Variants in DNAH11 observed in about 807,000 individuals in gnomAD.
DNAH11 encodes axonemal beta dynein heavy chain 11.
A neutral mutation model predicts 526.0 loss-of-function variants in DNAH11; 442 were observed. The observed-to-expected ratio is 0.84, with a 90% CI of 0.78 to 0.91. The LOEUF (loss-of-function observed/expected upper bound fraction) is 0.91. Among genes scored for constraint, DNAH11 ranks in the 40% least tolerant of loss-of-function variants. DNAH11 has a pLI of 0.00. For missense variants in DNAH11, 6,989 were observed against 5,448.7 expected (o/e 1.28, Z -8.90); for synonymous variants, 2,461 against 1,935.9 (o/e 1.27, Z -7.12).
In DNAH11 at chr7:21,658,916, C is replaced by T. The variant is rs1782130908; in HGVS notation, c.5213C>T (p.Pro1738Leu). The change falls in exon 30 of 82, where the codon CCA becomes CTA. Residue 1738 changes from proline to leucine, a missense_variant. Pro to Leu is a moderately conservative substitution (Grantham distance 98). Transcript: ENST00000409508. Reference protein sequence around the residue: ...KPRELWIFDFPAQVALTSSQI... With the variant: ...KPRELWIFDFLAQVALTSSQI... ...AGGGAACTGTGGATTTTTGATTTCC[C>T]AGCTCAGGTTGCACTAACCAGCTCA... 1.2e-6 allele frequency: 2 copies of T among 1,610,092 alleles called. No homozygotes were observed. Among genetic ancestry groups the T allele is most frequent in the African/African-American group, 2.7e-5 (2 of 74,782 alleles).
chr7:21,581,644 T>G (rs1029654050), intron 8 of DNAH11, among the ~76,000 whole-genome samples: 1 of 152,214 alleles, frequency 6.6e-6, no homozygotes, highest in Admixed American at 6.5e-5. Flanking sequence ...GCACTGCTGT[T>G]GAGGCCTGGG....
intron 75 of DNAH11, among the ~76,000 whole-genome samples, chr7:21,883,080 A>G (rs936174175): frequency 6.6e-6 from 1 of 152,212 alleles, no homozygotes; most frequent in African/African-American, 2.4e-5. Flanking sequence ...CTTATTTTTC[A>G]TTCACCTCAA....
At chr7:21,733,585 T>C (rs2128488395) in intron 45 of DNAH11, among the ~76,000 whole-genome samples, 1 of 152,330 alleles carries the variant, frequency 6.6e-6, no homozygotes, top group African/African-American at 2.4e-5. Context: ...TATCACAAGA[T>C]TGATGCACCT....
intron 1 of DNAH11, chr7:21,543,829 C>G: frequency 3.6e-6 from 2 of 560,664 alleles, no homozygotes; most frequent in Non-Finnish European, 6.2e-6. Context: ...CCGAGAATCC[C>G]GCGTTGAGCC....
Position 21,711,610 on chromosome 7 carries a change from G to A in DNAH11, c.6835-102G>A, listed in dbSNP as rs1583617558. ...CTGCACTTCTGATTCAGGAGAGTGA[G>A]CACACAGCCTGTGATACTTCTGGTA... On this transcript the variant is annotated intron_variant, in intron 41 of 81. Transcript: ENST00000409508. 2.7e-6 allele frequency: 4 copies of A among 1,474,706 alleles called. No homozygotes were observed. In the East Asian group the frequency reaches 6.9e-5, roughly 25 times the overall value. 91.4% of individuals were successfully genotyped at this position (1,474,706 alleles called of 1,614,324 possible).
At chr7:21,710,348 G>A (rs1258485104) in intron 40 of DNAH11, among the ~76,000 whole-genome samples, 1 of 152,138 alleles carries the variant, frequency 6.6e-6, no homozygotes, top group African/African-American at 2.4e-5. Flanking sequence ...TGGAAGTTAA[G>A]GGTCCTTCTC....
chr7:21,564,618 G>A (rs566058557), intron 6 of DNAH11, among the ~76,000 whole-genome samples: 1 of 152,100 alleles, frequency 6.6e-6, no homozygotes, highest in Non-Finnish European at 1.5e-5. Context: ...GTTGTTGCTT[G>A]GTTTTGTTTA....
At chr7:21,702,931 A>G in intron 37 of DNAH11, 129 bp downstream of exon 37, 3 of 759,244 alleles carry the variant, frequency 4.0e-6, no homozygotes, top group Non-Finnish European at 6.3e-6. Flanking sequence ...TTGTTAATGC[A>G]GGAAATTTGA....
At chr7:21,733,242 G>T (rs185254273) in intron 45 of DNAH11, among the ~76,000 whole-genome samples, 1 of 152,172 alleles carries the variant, frequency 6.6e-6, no homozygotes, top group Non-Finnish European at 1.5e-5. Flanking sequence ...CAAAAAATTA[G>T]CTGGGTATGG....
At position 21,690,776 on chromosome 7, in the gene DNAH11, T is replaced by C. The variant is rs772070316; in HGVS notation, c.5936T>C (p.Leu1979Pro). 1.0e-4 allele frequency: 163 copies of C among 1,607,228 alleles called. No homozygotes were observed. Among genetic ancestry groups the C allele is most frequent in the Non-Finnish European group, 1.3e-4 (158 of 1,176,604 alleles). ...IRNRKKRFVFLGEAITLKPSV... is the reference protein window; with the variant it reads ...IRNRKKRFVFPGEAITLKPSV... ...TCTTTTTATGGTAGATTTGTATTTC[T>C]TGGGGAAGCTATCACACTGAAGCCA... Residue 1979 changes from leucine to proline, a missense_variant, in exon 35 of 82, where the codon CTT (leucine) becomes CCT (proline). By Grantham distance (98) the Leu-to-Pro change is moderately conservative (BLOSUM62 -3). Coordinates refer to ENST00000409508, the MANE Select transcript of DNAH11 (RefSeq NM_001277115.2).
At position 21,750,347 on chromosome 7, in the gene DNAH11, G is replaced by GT. The variant is rs1278098833; in HGVS notation, c.8924dup (p.Arg2976AlafsTer20). On this transcript the variant is annotated frameshift_variant, in exon 54 of 82. Transcript: ENST00000409508. LOFTEE classifies it high-confidence loss of function. ...CTGTTGGAAATTCTTTATGGCCAGG[G>GT]TGCGACTACAGCTCAAAGTAAGAAA... The GT allele has an allele frequency of 1.2e-6, 2 of 1,604,358 alleles. No individual in the cohort carries two copies. Among genetic ancestry groups the GT allele is most frequent in the African/African-American group, 2.7e-5 (2 of 74,790 alleles).
At chr7:21,688,483 C>T (rs1783477549) in intron 34 of DNAH11, among the ~76,000 whole-genome samples, 1 of 152,108 alleles carries the variant, frequency 6.6e-6, no homozygotes, top group African/African-American at 2.4e-5. Flanking sequence ...TCAACTAGTC[C>T]CAGGGCTTTA....
chr7:21,867,964 C>A lies in DNAH11; in HGVS notation c.11796C>A (p.Ile3932=). The A allele has an allele frequency of 6.4e-7, 1 of 1,565,514 alleles. No homozygotes were observed. Among genetic ancestry groups the A allele is most frequent in the East Asian group, 2.4e-5 (1 of 42,416 alleles). ...ESSPATPIFF[I]LSPGVDALKD... Reference sequence around the variant, plus strand: ...GCCCAGCCACCCCCATATTCTTCATCCTGTCTCCGGGGGTAGATGCCCTTA... The same window carrying A: ...GCCCAGCCACCCCCATATTCTTCATACTGTCTCCGGGGGTAGATGCCCTTA... The change falls in exon 72 of 82, where the codon ATC becomes ATA. Residue 3932 remains isoleucine, a synonymous_variant. Coordinates refer to ENST00000409508, the MANE Select transcript of DNAH11 (RefSeq NM_001277115.2).
At chr7:21,680,095 C>T (rs950951392) in intron 30 of DNAH11, among the ~76,000 whole-genome samples, 1 of 152,204 alleles carries the variant, frequency 6.6e-6, no homozygotes, top group Admixed American at 6.5e-5. Context: ...CTCTTCCTCC[C>T]TTTCTTCTCC....
At chr7:21,602,229 C>T (rs968311473) in intron 18 of DNAH11, among the ~76,000 whole-genome samples, 46 of 152,082 alleles carry the variant, frequency 3.0e-4, no homozygotes, top group African/African-American at 1.0e-3. Context: ...AGTCCACCTA[C>T]TCAGGAGGCT....
At chr7:21,543,726 C>G (rs1034668491) in intron 1 of DNAH11, 130 bp downstream of exon 1, 36 of 952,378 alleles carry the variant, frequency 3.8e-5, no homozygotes, top group Non-Finnish European at 5.4e-5. Flanking sequence ...TTGAAGTCCC[C>G]ATCCTGAGGC....
chr7:21,894,521 C>T (rs1448577531), intron 77 of DNAH11, 102 bp from the exon 78 acceptor site: 2 of 1,226,884 alleles, frequency 1.6e-6, no homozygotes, highest in African/African-American at 1.5e-5. Flanking sequence ...CTTCGGAAGT[C>T]GTATGATATA....
rs1787193648 is a variant in DNAH11 at position 21,766,554 on chromosome 7, G to A, written c.9102+965G>A. Among the ~76,000 whole-genome samples, 12 of 152,236 alleles carry A rather than the reference G, an allele frequency of 7.9e-5. 1 individual carries two copies. The South Asian group carries it at 2.5e-3, about 32-fold the overall frequency. ...ATTGTAGCCCCACCGTTACCCAAAA[G>A]GCATAACTGCCACCTTTCCAAAGCA... is the stretch of plus-strand genomic sequence containing the variant. On this transcript the variant is annotated intron_variant, in intron 55 of 81. Coordinates refer to ENST00000409508, the MANE Select transcript of DNAH11 (RefSeq NM_001277115.2).
At chr7:21,626,122 A>G (rs1786319341) in intron 25 of DNAH11, among the ~76,000 whole-genome samples, 1 of 152,132 alleles carries the variant, frequency 6.6e-6, no homozygotes, top group African/African-American at 2.4e-5. Flanking sequence ...ATTATTGTAA[A>G]CTGTAGCCAC....
Sources: gnomAD v4.1 joint callset for allele counts (sites outside exome capture counted in the v4.1 genomes callset) on GRCh38, gnomAD v4.1.1 for gene constraint, MANE v1.5 for transcripts, NCBI Gene and HGNC (gene_info 2026-07-23, HGNC 2026-07-21) for gene names.